RMRP: variants seen among roughly 807,000 people sequenced by gnomAD.
RMRP encodes the protein RNA component of mitochondrial RNA processing endoribonuclease, also known as RNase MRP RNA.
rs74810894 is a variant in RMRP, at chr9:35,657,891, C to G, written n.127G>C. ...TCTTGGCGGACTTTGGAGTGGGAAGCGGGGAATGTCTACGTGCGTATGCAC... is the reference window on the plus strand; with the variant it reads ...TCTTGGCGGACTTTGGAGTGGGAAGGGGGGAATGTCTACGTGCGTATGCAC... On this transcript the variant is annotated non_coding_transcript_exon_variant, in exon 1 of 1. Transcript: ENST00000363046. The G allele has an allele frequency of 2.6e-3, 1,856 of 700,432 alleles. 2 individuals are homozygous for G. Among genetic ancestry groups the G allele is most frequent in the Middle Eastern group, 9.1e-3 (25 of 2,738 alleles). 43.4% of individuals were successfully genotyped at this position (700,432 alleles called of 1,614,324 possible).
rs149105942 is a variant in RMRP at position 35,657,863 on chromosome 9, G to A, written n.155C>T. The A allele has an allele frequency of 2.2e-5, 15 of 693,348 alleles. No individual in the cohort carries two copies. Among genetic ancestry groups the A allele is most frequent in the East Asian group, 1.9e-4 (7 of 37,284 alleles). The allele number at this position is 693,348 out of a possible 1,614,324, so 42.9% of individuals were successfully genotyped here. ...CGCGCCACGCCGCTCAGCGGGATAC[G>A]CTTCTTGGCGGACTTTGGAGTGGGA... On this transcript the variant is annotated non_coding_transcript_exon_variant, in exon 1 of 1. Coordinates refer to ENST00000363046, the Ensembl canonical transcript of RMRP.
exon 1 of RMRP, chr9:35,657,865 T>C (rs1350378398): frequency 1.9e-5 from 13 of 693,108 alleles, no homozygotes; most frequent in East Asian, 2.7e-5. Flanking sequence ...CGGGATACGC[T>C]TCTTGGCGGA....
rs549085067 is a variant in RMRP, at chr9:35,657,983, G to T, written n.35C>A. ...GGAAAGGGGAGGAACAGAGTCCTCA[G>T]TGTGTAGCCTAGGATACAGGCCTTC... On this transcript the variant is annotated non_coding_transcript_exon_variant, in exon 1 of 1. Transcript: ENST00000363046. 21 of 700,318 alleles carry T rather than the reference G, an allele frequency of 3.0e-5. No individual in the cohort carries two copies. Among genetic ancestry groups the T allele is most frequent in the South Asian group, 3.0e-4 (20 of 67,516 alleles). The allele number at this position is 700,318 out of a possible 1,614,324, so 43.4% of individuals were successfully genotyped here.
downstream of RMRP, chr9:35,657,750 A>T (rs555390900): frequency 2.8e-5 from 19 of 683,050 alleles, no homozygotes; most frequent in Admixed American, 3.2e-4. Flanking sequence ...GGGAACAAAA[A>T]ACAGCCGCGC....
Position 35,657,815 on chromosome 9 carries a change from A to AG in RMRP, n.202dup. On this transcript the variant is annotated non_coding_transcript_exon_variant, in exon 1 of 1. Transcript: ENST00000363046. ...GGACACGCACTGCCTGCGTAACTAG[A>AG]GGGAGCTGACGGATGACGCCCCCGC... The AG allele has an allele frequency of 1.4e-6, 1 of 692,738 alleles. No individual in the cohort carries two copies. Among genetic ancestry groups the AG allele is most frequent in the Non-Finnish European group, 2.6e-6 (1 of 384,712 alleles). 42.9% of individuals were successfully genotyped at this position (692,738 alleles called of 1,614,324 possible). A position where few individuals can be genotyped will look rare whatever the true frequency, so the allele number is the denominator to read the frequency against.
chr9:35,658,018 C>CACGTCCTCAGCTTCACAG (rs1554651396), upstream of RMRP: 3 of 690,120 alleles, frequency 4.3e-6, no homozygotes, highest in South Asian at 4.5e-5. Context: ...CAGCACGAAC[C>CACGTCCTCAGCTTCACAG]ACGTCCTCAG....
At position 35,657,764 on chromosome 9, in the gene RMRP, G is replaced by C. The variant is rs1170858087; in HGVS notation, n.254C>G. ...CGGGAACAAAAAACAGCCGCGCTGA[G>C]AATGAGCCCCGTGTGGTTGGTGCGC... is the stretch of plus-strand genomic sequence containing the variant. On this transcript the variant is annotated non_coding_transcript_exon_variant, in exon 1 of 1. Coordinates refer to ENST00000363046, the Ensembl canonical transcript of RMRP. 1.4e-6 allele frequency: 1 copy of C among 692,024 alleles called. No individual in the cohort carries two copies. Among genetic ancestry groups the C allele is most frequent in the African/African-American group, 1.8e-5 (1 of 57,090 alleles). The allele number at this position is 692,024 out of a possible 1,614,324, so 42.9% of individuals were successfully genotyped here.
In RMRP at chr9:35,657,858, G is replaced by T. The variant is rs751373603; in HGVS notation, n.160C>A. The stretch of plus-strand genomic sequence containing the variant: ...GCCCCCGCGCCACGCCGCTCAGCGG[G>T]ATACGCTTCTTGGCGGACTTTGGAG... On this transcript the variant is annotated non_coding_transcript_exon_variant, in exon 1 of 1. Coordinates refer to ENST00000363046, the Ensembl canonical transcript of RMRP. 2.9e-6 allele frequency: 2 copies of T among 700,354 alleles called. No homozygotes were observed. Among genetic ancestry groups the T allele is most frequent in the Non-Finnish European group, 5.2e-6 (2 of 384,836 alleles). 43.4% of individuals were successfully genotyped at this position (700,354 alleles called of 1,614,324 possible).
At chr9:35,657,911 A>ATG (rs1478820354) in exon 1 of RMRP, 1 of 700,478 alleles carries the variant, frequency 1.4e-6, no homozygotes, top group South Asian at 1.5e-5. Context: ...CTACGTGCGT[A>ATG]TGCACGTGGC....
In RMRP at chr9:35,657,891, C is replaced by CGG. The variant is rs1554651193; in HGVS notation, n.125_126dup. On this transcript the variant is annotated non_coding_transcript_exon_variant, in exon 1 of 1. Coordinates refer to ENST00000363046, the Ensembl canonical transcript of RMRP. ...TCTTGGCGGACTTTGGAGTGGGAAGCGGGGAATGTCTACGTGCGTATGCAC... is the reference window on the plus strand; with the variant it reads ...TCTTGGCGGACTTTGGAGTGGGAAGCGGGGGGAATGTCTACGTGCGTATGCAC... The CGG allele has an allele frequency of 2.9e-6, 2 of 700,434 alleles. No homozygotes were observed. Among genetic ancestry groups the CGG allele is most frequent in the Non-Finnish European group, 5.2e-6 (2 of 384,816 alleles). 43.4% of individuals were successfully genotyped at this position (700,434 alleles called of 1,614,324 possible). A position where few individuals can be genotyped will look rare whatever the true frequency, so the allele number is the denominator to read the frequency against.
In RMRP at chr9:35,657,892, G is replaced by T; in HGVS notation, n.126C>A. 2 of 696,822 alleles carry T rather than the reference G, an allele frequency of 2.9e-6. No individual in the cohort carries two copies. Among genetic ancestry groups the T allele is most frequent in the South Asian group, 1.5e-5 (1 of 67,510 alleles). 43.2% of individuals were successfully genotyped at this position (696,822 alleles called of 1,614,324 possible). On this transcript the variant is annotated non_coding_transcript_exon_variant, in exon 1 of 1. Transcript: ENST00000363046. ...CTTGGCGGACTTTGGAGTGGGAAGC[G>T]GGGAATGTCTACGTGCGTATGCACG... is the stretch of plus-strand genomic sequence containing the variant.
At position 35,657,837 on chromosome 9, in the gene RMRP, C is replaced by T; in HGVS notation, n.181G>A. ...TAGAGGGAGCTGACGGATGACGCCC[C>T]CGCGCCACGCCGCTCAGCGGGATAC... On this transcript the variant is annotated non_coding_transcript_exon_variant, in exon 1 of 1. Coordinates refer to ENST00000363046, the Ensembl canonical transcript of RMRP. The T allele has an allele frequency of 1.4e-6, 1 of 693,358 alleles. No homozygotes were observed. The highest frequency in any genetic ancestry group is 3.7e-4 in the Middle Eastern group (1 of 2,730). 43.0% of individuals were successfully genotyped at this position (693,358 alleles called of 1,614,324 possible). A position where few individuals can be genotyped will look rare whatever the true frequency, so the allele number is the denominator to read the frequency against.
At position 35,658,012 on chromosome 9, in the gene RMRP, A is replaced by C. The variant is rs587781140; in HGVS notation, n.6T>G. 1 of 692,618 alleles carries C rather than the reference A, an allele frequency of 1.4e-6. No individual in the cohort carries two copies. The highest frequency in any genetic ancestry group is 2.6e-6 in the Non-Finnish European group (1 of 378,556). 42.9% of individuals were successfully genotyped at this position (692,618 alleles called of 1,614,324 possible). A position where few individuals can be genotyped will look rare whatever the true frequency, so the allele number is the denominator to read the frequency against. On this transcript the variant is annotated non_coding_transcript_exon_variant, in exon 1 of 1. Coordinates refer to ENST00000363046, the Ensembl canonical transcript of RMRP. ...GTAGCCTAGGATACAGGCCTTCAGC[A>C]CGAACCACGTCCTCAGCTTCACAGA... is the stretch of plus-strand genomic sequence containing the variant.
At position 35,657,754 on chromosome 9, in the gene RMRP, G is replaced by A. The variant is rs962412737; in HGVS notation, n.264C>T. The A allele has an allele frequency of 2.9e-5, 20 of 685,222 alleles. No homozygotes were observed. The highest frequency in any genetic ancestry group is 3.7e-4 in the Middle Eastern group (1 of 2,704). The allele number at this position is 685,222 out of a possible 1,614,324, so 42.4% of individuals were successfully genotyped here. A position where few individuals can be genotyped will look rare whatever the true frequency, so the allele number is the denominator to read the frequency against. ...GCCGTGGTCTCGGGAACAAAAAACA[G>A]CCGCGCTGAGAATGAGCCCCGTGTG... On this transcript the variant is annotated non_coding_transcript_exon_variant, in exon 1 of 1. Coordinates refer to ENST00000363046, the Ensembl canonical transcript of RMRP.
rs1554651251 is a variant in RMRP at position 35,657,947 on chromosome 9, T to C, written n.71A>G. On this transcript the variant is annotated non_coding_transcript_exon_variant, in exon 1 of 1. Coordinates refer to ENST00000363046, the Ensembl canonical transcript of RMRP. ...ACTCTCTGCCCGAGGTCCGGGGACT[T>C]TCCCCTAGGCGGAAAGGGGAGGAAC... 7.1e-6 allele frequency: 5 copies of C among 700,434 alleles called. No individual in the cohort carries two copies. The highest frequency in any genetic ancestry group is 1.5e-5 in the South Asian group (1 of 67,504). The allele number at this position is 700,434 out of a possible 1,614,324, so 43.4% of individuals were successfully genotyped here. A position where few individuals can be genotyped will look rare whatever the true frequency, so the allele number is the denominator to read the frequency against.
rs1554651153 is a variant in RMRP, at chr9:35,657,836, C to G, written n.182G>C. 1.0e-5 allele frequency: 7 copies of G among 693,330 alleles called. 1 individual carries two copies. Among genetic ancestry groups the G allele is most frequent in the South Asian group, 8.9e-5 (6 of 67,510 alleles). 42.9% of individuals were successfully genotyped at this position (693,330 alleles called of 1,614,324 possible). A position where few individuals can be genotyped will look rare whatever the true frequency, so the allele number is the denominator to read the frequency against. ...CTAGAGGGAGCTGACGGATGACGCC[C>G]CCGCGCCACGCCGCTCAGCGGGATA... On this transcript the variant is annotated non_coding_transcript_exon_variant, in exon 1 of 1. Coordinates refer to ENST00000363046, the Ensembl canonical transcript of RMRP.
At chr9:35,657,882 A>AGTGGGAAGC (rs1401102160) in exon 1 of RMRP, 1 of 694,878 alleles carries the variant, frequency 1.4e-6, no homozygotes, top group South Asian at 1.5e-5. Flanking sequence ...CGGACTTTGG[A>AGTGGGAAGC]GTGGGAAGCG....
In RMRP at chr9:35,657,999, A is replaced by G. The variant is rs1261335964; in HGVS notation, n.19T>C. 1.7e-5 allele frequency: 12 copies of G among 696,952 alleles called. 1 individual carries two copies. The highest frequency in any genetic ancestry group is 1.3e-4 in the South Asian group (9 of 67,434). The allele number at this position is 696,952 out of a possible 1,614,324, so 43.2% of individuals were successfully genotyped here. On this transcript the variant is annotated non_coding_transcript_exon_variant, in exon 1 of 1. Transcript: ENST00000363046. ...GAGTCCTCAGTGTGTAGCCTAGGAT[A>G]CAGGCCTTCAGCACGAACCACGTCC...
chr9:35,657,935 G>A lies in RMRP; in HGVS notation n.83C>T, dbSNP rs1282617590. 1.4e-6 allele frequency: 1 copy of A among 700,350 alleles called. No individual in the cohort carries two copies. Among genetic ancestry groups the A allele is most frequent in the Non-Finnish European group, 2.6e-6 (1 of 384,832 alleles). 43.4% of individuals were successfully genotyped at this position (700,350 alleles called of 1,614,324 possible). ...TATGCACGTGGCACTCTCTGCCCGA[G>A]GTCCGGGGACTTTCCCCTAGGCGGA... On this transcript the variant is annotated non_coding_transcript_exon_variant, in exon 1 of 1. Coordinates refer to ENST00000363046, the Ensembl canonical transcript of RMRP.
Sources: gnomAD v4.1 joint callset for allele counts on GRCh38, gnomAD v4.1.1 for gene constraint, MANE v1.5 for transcripts, NCBI Gene and HGNC (gene_info 2026-07-23, HGNC 2026-07-21) for gene names.